PCDHA4: variants seen among roughly 807,000 people sequenced by gnomAD.
PCDHA4 encodes the protein protocadherin alpha 4.
Under a neutral mutation model 61.4 loss-of-function variants are expected in PCDHA4, and 49 were observed. The observed-to-expected ratio is 0.80, with a 90% CI of 0.63 to 1.01. The LOEUF (loss-of-function observed/expected upper bound fraction) is 1.01. PCDHA4 is among the 50% of genes least tolerant of loss of function. PCDHA4 has a pLI of 0.00. For missense variants in PCDHA4, 1,254 were observed against 1,235.8 expected (o/e 1.01, Z -0.22); for synonymous variants, 590 against 550.3 (o/e 1.07, Z -1.01).
At chr5:141,000,410 TATATA>T in intron 3 of PCDHA4, among the ~76,000 whole-genome samples, 1 of 101,974 alleles carries the variant, frequency 9.8e-6, no homozygotes, top group African/African-American at 3.9e-5. Context: ...TATATATATA[TATATA>T]TATATATTTT....
intron 3 of PCDHA4, among the ~76,000 whole-genome samples, chr5:140,984,759 T>C (rs2097119018): frequency 6.6e-6 from 1 of 152,184 alleles, no homozygotes; most frequent in Non-Finnish European, 1.5e-5. Context: ...AGTTGAATTC[T>C]AATCCCAAGC....
At chr5:140,823,280 C>G in intron 1 of PCDHA4, 1 of 1,612,450 alleles carries the variant, frequency 6.2e-7, no homozygotes, top group Non-Finnish European at 8.5e-7. Flanking sequence ...GGCGAGCGCC[C>G]GCTGTCGAGT....
intron 1 of PCDHA4, chr5:140,851,050 G>T: frequency 7.2e-7 from 1 of 1,384,398 alleles, no homozygotes; most frequent in African/African-American, 1.5e-5. Context: ...AGCCGACTTT[G>T]TCTTGACTTC....
chr5:140,981,895 G>A (rs2153826767), intron 2 of PCDHA4, among the ~76,000 whole-genome samples: 1 of 152,252 alleles, frequency 6.6e-6, no homozygotes, highest in East Asian at 1.9e-4. Flanking sequence ...TCTGAGCGGG[G>A]ATCTGTGAGT....
chr5:140,857,481 C>A (rs1554150087), intron 1 of PCDHA4: 1 of 1,598,530 alleles, frequency 6.3e-7, no homozygotes, highest in East Asian at 2.2e-5. Flanking sequence ...ACGGTGTCTG[C>A]GTGGGACGCG....
rs2150432848 is a variant in PCDHA4, at chr5:140,849,209, T to C, written c.2385+39637T>C. On this transcript the variant is annotated intron_variant, in intron 1 of 3. Coordinates refer to ENST00000530339, the MANE Select transcript of PCDHA4 (RefSeq NM_018907.4). ...TCACGGTACTGGACAACAATGACAA[T>C]GCCCCAGTGTTCGACAGAACCCTGT... 32 of 1,032,540 alleles carry C rather than the reference T, an allele frequency of 3.1e-5. 2 individuals carry two copies. In the African/African-American group the frequency reaches 5.7e-4, roughly 18 times the overall value. The allele number at this position is 1,032,540 out of a possible 1,614,324, so 64.0% of individuals were successfully genotyped here. A position where few individuals can be genotyped will look rare whatever the true frequency, so the allele number is the denominator to read the frequency against.
chr5:140,850,053 C>T, intron 1 of PCDHA4: 4 of 1,596,534 alleles, frequency 2.5e-6, no homozygotes, highest in Non-Finnish European at 3.4e-6. Context: ...GGTGTACGCG[C>T]TGCAGCCGTT....
At chr5:140,983,621 A>G (rs1271083054) in intron 3 of PCDHA4, among the ~76,000 whole-genome samples, 5 of 152,250 alleles carry the variant, frequency 3.3e-5, no homozygotes, top group African/African-American at 1.2e-4. Flanking sequence ...CAGAGAGATT[A>G]AGAAATGTAC....
Position 140,808,555 on chromosome 5 carries a change from G to A in PCDHA4, c.1368G>A (p.Ala456=). ...TGAACGACAACGCTCCGGCGTTCGC[G>A]CAGCCCGAGTACACAGTGTTCGTGA... The part of the protein sequence containing the change: ...ADVNDNAPAF[A]QPEYTVFVKE... Residue 456 remains alanine (A), a synonymous_variant, in exon 1 of 4, where the codon GCG becomes GCA. Coordinates refer to ENST00000530339, the MANE Select transcript of PCDHA4 (RefSeq NM_018907.4). 1 of 1,614,096 alleles carries A rather than the reference G, an allele frequency of 6.2e-7. No homozygotes were observed. Among genetic ancestry groups the A allele is most frequent in the Non-Finnish European group, 8.5e-7 (1 of 1,180,018 alleles).
chr5:140,992,463 C>T (rs1416840803), intron 3 of PCDHA4, among the ~76,000 whole-genome samples: 1 of 152,162 alleles, frequency 6.6e-6, no homozygotes, highest in Non-Finnish European at 1.5e-5. Flanking sequence ...GAGGACAGTA[C>T]TCTTTAGATC....
At chr5:140,870,477 G>A (rs781992966) in intron 1 of PCDHA4, 2 of 1,614,238 alleles carry the variant, frequency 1.2e-6, no homozygotes, top group East Asian at 2.2e-5. Flanking sequence ...CACAGCCCGA[G>A]TACACCGTGT....
At chr5:140,854,696 T>C (rs190246288) in intron 1 of PCDHA4, 1 of 150,200 alleles carries the variant, frequency 6.7e-6, no homozygotes, top group East Asian at 1.9e-4. Flanking sequence ...TTGTTAAGTT[T>C]TCCTTTCTTG....
At chr5:140,856,187 A>G (rs781874204) in intron 1 of PCDHA4, 4 of 1,598,212 alleles carry the variant, frequency 2.5e-6, no homozygotes, top group African/African-American at 2.7e-5. Flanking sequence ...CGTGGGCCGC[A>G]TCGCGCAGGA....
intron 1 of PCDHA4, among the ~76,000 whole-genome samples, chr5:140,902,795 A>G (rs555172255): frequency 6.8e-4 from 103 of 151,862 alleles, no homozygotes; most frequent in African/African-American, 2.3e-3. Context: ...TCTCACTTGT[A>G]TGTGAGAATA....
At chr5:140,864,271 A>T (rs2048397543) in intron 1 of PCDHA4, 1 of 152,134 alleles carries the variant, frequency 6.6e-6, no homozygotes, top group African/African-American at 2.4e-5. Context: ...TGTGTCCTCC[A>T]TTCCTTATTG....
intron 1 of PCDHA4, among the ~76,000 whole-genome samples, chr5:140,955,987 A>T (rs1185683030): frequency 6.6e-6 from 1 of 152,198 alleles, no homozygotes; most frequent in Non-Finnish European, 1.5e-5. Context: ...CAATTTTTGC[A>T]CATTGATTTT....
At chr5:140,821,246 T>C (rs1330711106) in intron 1 of PCDHA4, among the ~76,000 whole-genome samples, 9 of 152,218 alleles carry the variant, frequency 5.9e-5, no homozygotes, top group Non-Finnish European at 1.3e-4. Context: ...GTCAAAACTT[T>C]AACTCTTAAA....
At chr5:140,879,025 A>G (rs557183400) in intron 1 of PCDHA4, among the ~76,000 whole-genome samples, 36 of 152,342 alleles carry the variant, frequency 2.4e-4, no homozygotes, top group African/African-American at 8.7e-4. Flanking sequence ...TGTTTTATTG[A>G]AGAGTGTCTT....
intron 1 of PCDHA4, chr5:140,877,422 G>T (rs781813282): frequency 6.2e-7 from 1 of 1,613,902 alleles, no homozygotes; most frequent in Non-Finnish European, 8.5e-7. Flanking sequence ...TGCTGGTGCT[G>T]GTGAAGGACC....
Sources: gnomAD v4.1 joint callset for allele counts (sites outside exome capture counted in the v4.1 genomes callset) on GRCh38, gnomAD v4.1.1 for gene constraint, MANE v1.5 for transcripts, NCBI Gene and HGNC (gene_info 2026-07-23, HGNC 2026-07-21) for gene names.